The following S100Z variants were observed in gnomAD, a reference collection of about 807,000 sequenced individuals.
The protein encoded by S100Z is protein S100-Z.
S100Z carries 11 observed loss-of-function variants against 8.5 expected under a neutral mutation model. The ratio of observed to expected loss-of-function variants is 1.30; its 90% CI spans 0.82 to 2.15. The LOEUF is 2.15. Ranked by LOEUF, S100Z falls within the 30% of genes most tolerant of loss-of-function variation. The pLI is 0.00. For synonymous variants in S100Z, 34 were observed against 43.8 expected (o/e 0.78, Z 0.89); for missense variants, 126 against 117.9 (o/e 1.07, Z -0.32).
rs181318626 is a variant in S100Z at position 76,918,566 on chromosome 5, T to C, written c.*3-2151T>C. Among the ~76,000 whole-genome samples the C allele has an allele frequency of 2.0e-5, 3 of 152,336 alleles. No homozygotes were observed. The East Asian group carries it at 5.8e-4, about 29-fold the overall frequency. On this transcript the variant is annotated intron_variant, in intron 4 of 4. Transcript: ENST00000317593. ...ACTTTAGAGTAGTTTTAGGTTCATG[T>C]AAAGTTTAGTGGATACACAGAGTGC... is the stretch of plus-strand genomic sequence containing the variant.
At chr5:76,935,043 A>G in the S100Z span, among the ~76,000 whole-genome samples, 1 of 152,184 alleles carries the variant, frequency 6.6e-6, no homozygotes, top group Non-Finnish European at 1.5e-5. Flanking sequence ...TTATGTCAAT[A>G]TGTATTATGT....
chr5:76,936,448 A>T, the S100Z span, among the ~76,000 whole-genome samples: 12 of 152,150 alleles, frequency 7.9e-5, no homozygotes, highest in African/African-American at 2.9e-4. Context: ...AGGCTGATTT[A>T]TGGTTTTTCT....
intron 4 of S100Z, among the ~76,000 whole-genome samples, chr5:76,903,788 C>T (rs1744318526): frequency 6.6e-6 from 1 of 150,890 alleles, no homozygotes; most frequent in Non-Finnish European, 1.5e-5. Context: ...TGCAGTGGCA[C>T]AATCTTAGAT....
intron 1 of S100Z, among the ~76,000 whole-genome samples, chr5:76,860,461 T>G (rs1399758060): frequency 6.6e-6 from 1 of 152,182 alleles, no homozygotes; most frequent in Non-Finnish European, 1.5e-5. Context: ...GGCCCGACCC[T>G]CTCAGCTGCT....
At chr5:76,862,218 G>GAAGTTCAT (rs1751079029) in intron 1 of S100Z, among the ~76,000 whole-genome samples, 1 of 151,816 alleles carries the variant, frequency 6.6e-6, no homozygotes, top group African/African-American at 2.4e-5. Flanking sequence ...GAACTCCCAT[G>GAAGTTCAT]TACCCAGCTG....
chr5:76,869,276 T>A (rs966909038), intron 1 of S100Z, among the ~76,000 whole-genome samples: 3 of 150,842 alleles, frequency 2.0e-5, no homozygotes, highest in Non-Finnish European at 4.4e-5. Flanking sequence ...GAATGTATGG[T>A]AAGTGCAATG....
At chr5:76,895,722 T>C (rs1433508902) in intron 4 of S100Z, among the ~76,000 whole-genome samples, 1 of 151,146 alleles carries the variant, frequency 6.6e-6, no homozygotes, top group East Asian at 1.9e-4. Flanking sequence ...TTTTAAAATA[T>C]AGAGGGGTTT....
chr5:76,890,978 C>T (rs1012461611), intron 4 of S100Z, among the ~76,000 whole-genome samples: 1 of 152,200 alleles, frequency 6.6e-6, no homozygotes, highest in Non-Finnish European at 1.5e-5. Context: ...TCTCCTGCTT[C>T]AGCCTCTTGA....
At position 76,859,596 on chromosome 5, in the gene S100Z, C is replaced by T. The variant is rs577802005; in HGVS notation, c.-176+9441C>T. The stretch of plus-strand genomic sequence containing the variant: ...AGGAGTTTGAGACCAGCCTGGCCAA[C>T]ATGATGAAACCCCATCTCTACTCAA... On this transcript the variant is annotated intron_variant, in intron 1 of 4. Transcript: ENST00000317593. Among the ~76,000 whole-genome samples the T allele has an allele frequency of 3.0e-4, 46 of 151,984 alleles. No homozygotes were observed. In the South Asian group the frequency reaches 9.6e-3, roughly 32 times the overall value.
rs563675270 is a variant in S100Z, at chr5:76,876,290, A to G, written c.141+790A>G. 5.9e-5 allele frequency among the ~76,000 whole-genome samples: 9 copies of G among 152,180 alleles called. 1 individual carries two copies. In the South Asian group the frequency reaches 1.9e-3, roughly 32 times the overall value. ...GAAAAGCTCTATAAAGTATTTTTTA[A>G]CTTAGTCTTCACGACATTTTTATAG... On this transcript the variant is annotated intron_variant, in intron 3 of 4. Coordinates refer to ENST00000317593, the MANE Select transcript of S100Z (RefSeq NM_130772.4).
intron 1 of S100Z, among the ~76,000 whole-genome samples, chr5:76,868,201 C>A (rs147550766): frequency 6.6e-6 from 1 of 152,178 alleles, no homozygotes; most frequent in East Asian, 1.9e-4. Context: ...AAAGATAAGC[C>A]CCTGAAGAAA....
intron 1 of S100Z, 109 bp downstream of exon 1, chr5:76,850,264 G>T (rs1474085475): frequency 7.9e-5 from 12 of 151,054 alleles, no homozygotes; most frequent in East Asian, 2.0e-4. Flanking sequence ...GTTGTGAGGT[G>T]GGGGGTTGCC....
intron 2 of S100Z, among the ~76,000 whole-genome samples, chr5:76,874,211 T>C (rs1024144266): frequency 6.6e-6 from 1 of 152,124 alleles, no homozygotes; most frequent in African/African-American, 2.4e-5. Context: ...TTTTTTTTTT[T>C]TCAACTGTCC....
chr5:76,944,008 T>G, the S100Z span, among the ~76,000 whole-genome samples: 2 of 141,922 alleles, frequency 1.4e-5, no homozygotes, highest in South Asian at 4.2e-4. Flanking sequence ...CATGACTGAG[T>G]TTTTTTTTTG....
At chr5:76,885,933 A>G (rs1407758685) in intron 4 of S100Z, among the ~76,000 whole-genome samples, 1 of 144,560 alleles carries the variant, frequency 6.9e-6, no homozygotes, top group Non-Finnish European at 1.5e-5. Context: ...CTTGCCTCCC[A>G]GGAAAGTGGA....
chr5:76,941,570 T>C, the S100Z span, among the ~76,000 whole-genome samples: 1 of 152,292 alleles, frequency 6.6e-6, no homozygotes, highest in African/African-American at 2.4e-5. Context: ...CAGTCTTGGG[T>C]ATGTACTTAT....
chr5:76,860,874 T>G (rs762078932), intron 1 of S100Z, among the ~76,000 whole-genome samples: 7 of 152,074 alleles, frequency 4.6e-5, no homozygotes, highest in Non-Finnish European at 8.8e-5. Flanking sequence ...CCACGCATGA[T>G]TTCATTACAT....
At chr5:76,893,739 G>A (rs1743943274) in intron 4 of S100Z, among the ~76,000 whole-genome samples, 1 of 152,148 alleles carries the variant, frequency 6.6e-6, no homozygotes, top group Non-Finnish European at 1.5e-5. Context: ...GGAGAAAGAG[G>A]TGTGTGGGTC....
intron 1 of S100Z, among the ~76,000 whole-genome samples, chr5:76,866,435 A>C (rs1742737292): frequency 6.6e-6 from 1 of 152,202 alleles, no homozygotes; most frequent in South Asian, 2.1e-4. Context: ...TACAATGTTT[A>C]TGAAGGCTAT....
Sources: gnomAD v4.1 joint callset for allele counts (sites outside exome capture counted in the v4.1 genomes callset) on GRCh38, gnomAD v4.1.1 for gene constraint, MANE v1.5 for transcripts, NCBI Gene and HGNC (gene_info 2026-07-23, HGNC 2026-07-21) for gene names.